The following CCDC14 variants were observed in gnomAD, a reference collection of about 807,000 sequenced individuals.
The protein encoded by CCDC14 is coiled-coil domain containing 14.
CCDC14 carries 71 observed loss-of-function variants against 81.4 expected under a neutral mutation model. The observed-to-expected ratio is 0.87, with a 90% CI of 0.72 to 1.06. The LOEUF (loss-of-function observed/expected upper bound fraction) is 1.06, where lower values mean the gene tolerates loss of function less well. Among genes scored for constraint, CCDC14 ranks in the 50% least tolerant of loss-of-function variants. CCDC14 has a pLI of 0.00. For missense variants in CCDC14, 1,046 were observed against 1,047.3 expected, an observed-to-expected ratio of 1.00 and a Z score of 0.02; for synonymous variants, 332 against 364.8, an observed-to-expected ratio of 0.91 and a Z score of 1.03.
chr3:123,912,299 T>C (rs2034466108), downstream of CCDC14, among the ~76,000 whole-genome samples: 1 of 152,168 alleles, frequency 6.6e-6, no homozygotes, highest in Non-Finnish European at 1.5e-5. Flanking sequence ...GGGACCAGCC[T>C]GACCCTTCTG....
chr3:123,960,347 G>C (rs2037610654), intron 1 of CCDC14, among the ~76,000 whole-genome samples: 1 of 152,160 alleles, frequency 6.6e-6, no homozygotes, highest in Admixed American at 6.5e-5. Flanking sequence ...CTAAATTTCA[G>C]AAAAGTGGTT....
intron 5 of CCDC14, among the ~76,000 whole-genome samples, chr3:123,907,676 G>T (rs1481382244): frequency 1.3e-5 from 2 of 151,830 alleles, no homozygotes; most frequent in East Asian, 1.9e-4. Context: ...CTGCACTCCA[G>T]CCTGGGCGAC....
At chr3:123,953,202 C>T (rs929632043) in intron 5 of CCDC14, 1 of 152,608 alleles carries the variant, frequency 6.6e-6, no homozygotes, top group Middle Eastern at 3.4e-3. Flanking sequence ...ATATGTCTTG[C>T]TGTATATACC....
At chr3:123,937,494 AT>A in intron 9 of CCDC14, among the ~76,000 whole-genome samples, 1 of 151,988 alleles carries the variant, frequency 6.6e-6, no homozygotes, top group East Asian at 1.9e-4. Flanking sequence ...CTGTTCAAAT[AT>A]TTTGCCCATT....
At chr3:123,955,284 T>C (rs543094778) in intron 5 of CCDC14, 1 of 152,168 alleles carries the variant, frequency 6.6e-6, no homozygotes, top group Admixed American at 6.5e-5. Context: ...AGGGACAACA[T>C]AATCAAAACT....
downstream of CCDC14, among the ~76,000 whole-genome samples, chr3:123,893,339 C>A (rs147411865): frequency 2.9e-3 from 448 of 151,948 alleles, 2 homozygotes; most frequent in African/African-American, 9.9e-3. Context: ...AATATTTATC[C>A]TTTTGTGTCT....
chr3:123,952,640 T>C (rs2037083917), intron 5 of CCDC14: 4 of 528,008 alleles, frequency 7.6e-6, no homozygotes, highest in African/African-American at 1.9e-5. Flanking sequence ...TCAATGATCA[T>C]ATCATCCCAG....
At chr3:123,889,418 A>G in the CCDC14 span, among the ~76,000 whole-genome samples, 3 of 152,158 alleles carry the variant, frequency 2.0e-5, no homozygotes, top group Non-Finnish European at 4.4e-5. Flanking sequence ...TCTCAAATAA[A>G]AAAAAGGGAG....
At chr3:123,929,523 G>C (rs780279633) in intron 12 of CCDC14, among the ~76,000 whole-genome samples, 56 of 152,028 alleles carry the variant, frequency 3.7e-4, no homozygotes, top group Non-Finnish European at 2.5e-4. Flanking sequence ...GGCTGGTCTC[G>C]AGCTCCTGGG....
chr3:123,950,075 C>T (rs1050202825), intron 5 of CCDC14, among the ~76,000 whole-genome samples: 51 of 152,152 alleles, frequency 3.4e-4, no homozygotes, highest in Non-Finnish European at 1.9e-4. Context: ...ATAGCACTAC[C>T]TATAGATTGG....
downstream of CCDC14, among the ~76,000 whole-genome samples, chr3:123,893,383 T>A (rs1559751223): frequency 6.6e-6 from 1 of 152,216 alleles, no homozygotes; most frequent in Non-Finnish European, 1.5e-5. Flanking sequence ...TTTTCAAGGT[T>A]TATCCAGGTA....
At chr3:123,948,835 A>G (rs2036827776) in intron 6 of CCDC14, 50 bp from the exon 7 acceptor site, 3 of 1,581,378 alleles carry the variant, frequency 1.9e-6, no homozygotes, top group Non-Finnish European at 2.6e-6. Context: ...CTTTTTATAC[A>G]GTAACCAAGC....
chr3:123,910,684 CTGAA>C (rs761034454), downstream of CCDC14, among the ~76,000 whole-genome samples: 4 of 151,926 alleles, frequency 2.6e-5, no homozygotes, highest in African/African-American at 7.3e-5. Context: ...AAGTCAGTAA[CTGAA>C]TGAAGAATAA....
downstream of CCDC14, among the ~76,000 whole-genome samples, chr3:123,895,579 A>G (rs992809724): frequency 2.6e-5 from 4 of 152,204 alleles, no homozygotes; most frequent in African/African-American, 9.6e-5. Flanking sequence ...TTACCCCCAG[A>G]AATTGATTCA....
rs577693607 is a variant in CCDC14, at chr3:123,899,054, G to C, written c.668-1441C>G. Among the ~76,000 whole-genome samples, 4 of 152,096 alleles carry C rather than the reference G, an allele frequency of 2.6e-5. No homozygotes were observed. The South Asian group carries it at 8.3e-4, about 32-fold the overall frequency. ...TTTTCACCTAGTTTTTTGCATTCATGTTTATAATTGTTTATTAACAAAGTC... is the reference window on the plus strand; with the variant it reads ...TTTTCACCTAGTTTTTTGCATTCATCTTTATAATTGTTTATTAACAAAGTC... On this transcript the variant is annotated intron_variant, in intron 5 of 5. Coordinates refer to the CCDC14 transcript ENST00000479903.
chr3:123,913,687 A>AC lies in CCDC14; in HGVS notation c.*1091dup, dbSNP rs2034504657. On this transcript the variant is annotated 3_prime_UTR_variant, in exon 13 of 13. Transcript: ENST00000409697. ...ACTAACACCTAAAAAAAAAAAAAAA[A>AC]CCACCAAAAAAACAAAAAACACGAG... 3 of 981,568 alleles carry AC rather than the reference A, an allele frequency of 3.1e-6. No homozygotes were observed. The highest frequency in any genetic ancestry group is 1.8e-5 in the African/African-American group (1 of 56,746). 60.8% of individuals were successfully genotyped at this position (981,568 alleles called of 1,614,324 possible).
At chr3:123,934,920 G>A (rs771972872) in intron 9 of CCDC14, among the ~76,000 whole-genome samples, 10 of 152,034 alleles carry the variant, frequency 6.6e-5, no homozygotes, top group Non-Finnish European at 1.3e-4. Flanking sequence ...TCTTGAAGTC[G>A]GGAAGGCATT....
chr3:123,892,762 CTTT>C (rs1172583224), downstream of CCDC14, among the ~76,000 whole-genome samples: 1 of 152,042 alleles, frequency 6.6e-6, no homozygotes, highest in Non-Finnish European at 1.5e-5. Context: ...AATTTTTTCA[CTTT>C]TTTATTGTAG....
chr3:123,947,758 A>G (rs565107380), intron 7 of CCDC14, among the ~76,000 whole-genome samples: 1 of 152,112 alleles, frequency 6.6e-6, no homozygotes, highest in African/African-American at 2.4e-5. Flanking sequence ...TGCACTGAGG[A>G]AAAAAATCCA....
Sources: gnomAD v4.1 joint callset for allele counts (sites outside exome capture counted in the v4.1 genomes callset) on GRCh38, gnomAD v4.1.1 for gene constraint, MANE v1.5 for transcripts, NCBI Gene and HGNC (gene_info 2026-07-23, HGNC 2026-07-21) for gene names.